Variants in RAB3GAP1 observed in about 807,000 individuals in gnomAD.
RAB3GAP1 encodes rab3 GTPase-activating protein catalytic subunit.
In RAB3GAP1, 86 loss-of-function variants were observed where a neutral mutation model predicts 130.7. The observed-to-expected ratio is 0.66, with a 90% CI of 0.55 to 0.79. The LOEUF is 0.79. Among genes scored for constraint, RAB3GAP1 ranks in the 30% least tolerant of loss-of-function variants. RAB3GAP1 has a pLI of 0.00. For synonymous variants in RAB3GAP1, 367 were observed against 401.7 expected (o/e 0.91, Z 1.03); for missense variants, 1,029 against 1,169.4 (o/e 0.88, Z 1.75).
At chr2:135,143,101 A>G (rs192267605) in intron 17 of RAB3GAP1, among the ~76,000 whole-genome samples, 1 of 152,148 alleles carries the variant, frequency 6.6e-6, no homozygotes, top group East Asian at 1.9e-4. Context: ...ATATAGACTT[A>G]CTTTTAAATT....
chr2:135,156,138 C>T (rs1038186136), intron 19 of RAB3GAP1, among the ~76,000 whole-genome samples: 3 of 152,024 alleles, frequency 2.0e-5, no homozygotes, highest in African/African-American at 7.2e-5. Context: ...TATATCAAAA[C>T]TACCCCCAGT....
In RAB3GAP1 at chr2:135,130,480, A is replaced by T. The variant is rs920905693; in HGVS notation, c.1067-72A>T. ...AATGAGTAAAATATTCTATATAATC[A>T]TCAATTTGTTCATCACTTTCACCTG... On this transcript the variant is annotated intron_variant, in intron 12 of 23. Transcript: ENST00000264158. The T allele has an allele frequency of 1.1e-5, 14 of 1,254,490 alleles. No homozygotes were observed. The South Asian group carries it at 1.7e-4, about 15-fold the overall frequency. The allele number at this position is 1,254,490 out of a possible 1,614,324, so 77.7% of individuals were successfully genotyped here. A position where few individuals can be genotyped will look rare whatever the true frequency, so the allele number is the denominator to read the frequency against.
chr2:135,142,653 A>G (rs1389872176), intron 17 of RAB3GAP1, among the ~76,000 whole-genome samples: 2 of 152,104 alleles, frequency 1.3e-5, no homozygotes, highest in Admixed American at 1.3e-4. Flanking sequence ...TTATCATATT[A>G]AGGAAGTTCC....
In RAB3GAP1 at chr2:135,135,283, A is replaced by G; in HGVS notation, c.1518A>G (p.Pro506=). 1 of 1,611,068 alleles carries G rather than the reference A, an allele frequency of 6.2e-7. No individual in the cohort carries two copies. The highest frequency in any genetic ancestry group is 8.5e-7 in the Non-Finnish European group (1 of 1,177,296). The change falls in exon 16 of 24, where the codon CCA becomes CCG. Residue 506 remains proline (P), a synonymous_variant. Transcript: ENST00000264158. ...TTGATAGATTAGCAAGTGGACCCCCAGATCTGAGGTGTTGTTTACTGCATC... is the reference window on the plus strand; with the variant it reads ...TTGATAGATTAGCAAGTGGACCCCCGGATCTGAGGTGTTGTTTACTGCATC... ...FLIPGLASGP[P]DLRCCLLHQK... is the part of the protein sequence containing the mutation.
At chr2:135,056,508 A>G (rs1018330653) in intron 2 of RAB3GAP1, among the ~76,000 whole-genome samples, 3 of 152,182 alleles carry the variant, frequency 2.0e-5, no homozygotes, top group African/African-American at 7.2e-5. Context: ...TGGCCTTTGT[A>G]TATTTTCTTT....
chr2:135,127,787 C>T (rs6430561), intron 11 of RAB3GAP1, among the ~76,000 whole-genome samples: 47,074 of 152,030 alleles, frequency 0.31, 11,023 homozygotes, highest in African/African-American at 0.64. Context: ...TGAAATAACA[C>T]AAATGGAAGT....
At chr2:135,139,721 C>CT (rs1194963805) in intron 17 of RAB3GAP1, among the ~76,000 whole-genome samples, 1 of 152,132 alleles carries the variant, frequency 6.6e-6, no homozygotes, top group Non-Finnish European at 1.5e-5. Flanking sequence ...TCTACATTCT[C>CT]TGTCTTTCCC....
chr2:135,083,385 G>T (rs1361286169), intron 3 of RAB3GAP1, among the ~76,000 whole-genome samples: 1 of 152,102 alleles, frequency 6.6e-6, no homozygotes, highest in African/African-American at 2.4e-5. Flanking sequence ...GGACCTATCA[G>T]ACTGTTTTCC....
At position 135,150,457 on chromosome 2, in the gene RAB3GAP1, G is replaced by C. The variant is rs766369475; in HGVS notation, c.2012G>C (p.Arg671Pro). 1 of 1,614,122 alleles carries C rather than the reference G, an allele frequency of 6.2e-7. No homozygotes were observed. Among genetic ancestry groups the C allele is most frequent in the Non-Finnish European group, 8.5e-7 (1 of 1,180,012 alleles). Reference sequence around the variant, plus strand: ...ACATCGGCAGAGGGGGCTCACCTTCGAGCACGCATGCAGAGTGCCTGTCTG... The same window carrying C: ...ACATCGGCAGAGGGGGCTCACCTTCCAGCACGCATGCAGAGTGCCTGTCTG... ...LGTSAEGAHL[R>P]ARMQSACLLS... Residue 671 changes from arginine (R) to proline (P), a missense_variant, in exon 18 of 24, where the codon CGA becomes CCA. Around this residue, in one of 3 missense-constraint regions of RAB3GAP1, gnomAD observed 373 missense variants for 493.6 expected, o/e 0.76. Transcript: ENST00000264158.
At chr2:135,147,941 AAAT>A (rs1692049416) in intron 17 of RAB3GAP1, among the ~76,000 whole-genome samples, 1 of 151,894 alleles carries the variant, frequency 6.6e-6, no homozygotes, top group Non-Finnish European at 1.5e-5. Flanking sequence ...CCTGAAATAA[AAAT>A]AATACTTTTT....
At chr2:135,088,436 C>T (rs914896063) in intron 3 of RAB3GAP1, among the ~76,000 whole-genome samples, 12 of 152,004 alleles carry the variant, frequency 7.9e-5, no homozygotes, top group African/African-American at 2.7e-4. Flanking sequence ...TGCCTGTAAT[C>T]CCAGCCCTTT....
At chr2:135,148,760 C>T (rs1692081429) in intron 17 of RAB3GAP1, among the ~76,000 whole-genome samples, 1 of 151,262 alleles carries the variant, frequency 6.6e-6, no homozygotes, top group East Asian at 2.0e-4. Flanking sequence ...GATCCGTCCA[C>T]CTCGGCCTCC....
chr2:135,077,163 G>A (rs1001196964), intron 3 of RAB3GAP1, among the ~76,000 whole-genome samples: 13 of 152,106 alleles, frequency 8.5e-5, no homozygotes, highest in South Asian at 2.1e-4. Flanking sequence ...CTAGCTACTC[G>A]GGAGGCTGAG....
chr2:135,159,422 A>T (rs948787993), intron 19 of RAB3GAP1, among the ~76,000 whole-genome samples: 1 of 152,200 alleles, frequency 6.6e-6, no homozygotes, highest in African/African-American at 2.4e-5. Context: ...GTGGCACTTT[A>T]CCTCTCTGGT....
chr2:135,135,293 T>C lies in RAB3GAP1; in HGVS notation c.1528T>C (p.Cys510Arg). ...GLASGPPDLR[C>R]CLLHQKLQML... is the part of the protein sequence containing the mutation. ...AGCAAGTGGACCCCCAGATCTGAGG[T>C]GTTGTTTACTGCATCAGAAACTACA... Residue 510 changes from cysteine to arginine, a missense_variant, in exon 16 of 24, where the codon TGT becomes CGT. This residue lies in a region of RAB3GAP1 where 373 missense variants were observed against 493.6 expected (regional missense o/e 0.76). Transcript: ENST00000264158. 6.2e-7 allele frequency: 1 copy of C among 1,610,772 alleles called. No homozygotes were observed. Among genetic ancestry groups the C allele is most frequent in the East Asian group, 2.2e-5 (1 of 44,824 alleles).
intron 17 of RAB3GAP1, among the ~76,000 whole-genome samples, 164 bp downstream of exon 17, chr2:135,136,096 T>C (rs1192957063): frequency 5.9e-5 from 9 of 152,098 alleles, no homozygotes; most frequent in Non-Finnish European, 1.5e-5. Context: ...GAGGCTGAGG[T>C]GGGCAGATCA....
chr2:135,164,549 G>T (rs373627059), intron 22 of RAB3GAP1, 45 bp from the exon 23 acceptor site: 123 of 1,473,020 alleles, frequency 8.4e-5, no homozygotes, highest in Non-Finnish European at 1.1e-4. Flanking sequence ...CAGTGGCCTG[G>T]ACAGCTCACT....
intron 3 of RAB3GAP1, among the ~76,000 whole-genome samples, chr2:135,074,839 G>A (rs1317167195): frequency 1.3e-5 from 2 of 152,182 alleles, no homozygotes; most frequent in African/African-American, 2.4e-5. Context: ...GCAGAGAAGG[G>A]GCTGTCTACT....
intron 3 of RAB3GAP1, among the ~76,000 whole-genome samples, chr2:135,068,763 A>G (rs1332794891): frequency 6.6e-6 from 1 of 152,180 alleles, no homozygotes; most frequent in East Asian, 1.9e-4. Flanking sequence ...AAAAAACAAA[A>G]CAAAACAAAA....
Sources: gnomAD v4.1 joint callset for allele counts (sites outside exome capture counted in the v4.1 genomes callset) on GRCh38, gnomAD v4.1.1 for gene constraint, gnomAD v4.1.1 regional missense constraint, MANE v1.5 for transcripts, NCBI Gene and HGNC (gene_info 2026-07-23, HGNC 2026-07-21) for gene names.